The following MED23 variants were observed in gnomAD, a reference collection of about 807,000 sequenced individuals.
MED23 encodes the protein mediator of RNA polymerase II transcription subunit 23.
MED23 carries 105 observed loss-of-function variants against 163.9 expected under a neutral mutation model. The ratio of observed to expected loss-of-function variants is 0.64; its 90% CI spans 0.55 to 0.75. The LOEUF is 0.75. Among genes scored for constraint, MED23 ranks in the 30% least tolerant of loss-of-function variants. The pLI, the probability that MED23 is intolerant of heterozygous loss-of-function variation, is 0.00. For synonymous variants in MED23, 561 were observed against 565.6 expected (o/e 0.99, Z 0.12); for missense variants, 1,054 against 1,649.0 (o/e 0.64, Z 6.25).
intron 18 of MED23, among the ~76,000 whole-genome samples, chr6:131,599,212 T>A (rs1376555805): frequency 6.6e-6 from 1 of 152,178 alleles, no homozygotes; most frequent in African/African-American, 2.4e-5. Context: ...TATCCCAGAT[T>A]TACTGAATCA....
chr6:131,584,897 G>A (rs769251668), downstream of MED23, among the ~76,000 whole-genome samples: 4 of 150,654 alleles, frequency 2.7e-5, no homozygotes, highest in Non-Finnish European at 5.9e-5. Flanking sequence ...TACTCAGAAG[G>A]CTAAGGCGGG....
At chr6:131,615,215 C>T (rs1368661396) in intron 10 of MED23, 3 of 1,280,070 alleles carry the variant, frequency 2.3e-6, no homozygotes, top group African/African-American at 1.5e-5. Context: ...CAGCATGGTC[C>T]TGCCAATTTC....
chr6:131,624,760 C>G, intron 4 of MED23, 105 bp downstream of exon 4: 3 of 1,282,798 alleles, frequency 2.3e-6, no homozygotes, highest in Non-Finnish European at 3.3e-6. Flanking sequence ...ATAAACCTCA[C>G]CTTCTTCTTC....
chr6:131,589,360 T>C, intron 28 of MED23, 105 bp downstream of exon 28: 1 of 1,149,682 alleles, frequency 8.7e-7, no homozygotes, highest in Middle Eastern at 2.9e-4. Context: ...AAAGAAAAAA[T>C]TAGACAAAAT....
At chr6:131,602,433 A>G (rs764660087) in intron 16 of MED23, 52 bp from the exon 17 acceptor site, 4 of 1,525,540 alleles carry the variant, frequency 2.6e-6, no homozygotes, top group South Asian at 2.3e-5. Flanking sequence ...GAATTATGGA[A>G]TTAAATCTAA....
At chr6:131,620,566 G>T in intron 7 of MED23, 62 bp downstream of exon 7, 2 of 1,090,558 alleles carry the variant, frequency 1.8e-6, no homozygotes, top group Non-Finnish European at 1.4e-6. Context: ...CTCCCAAAGT[G>T]CTGTGAGCCA....
chr6:131,618,736 C>T (rs758535826), intron 8 of MED23, among the ~76,000 whole-genome samples: 21 of 152,174 alleles, frequency 1.4e-4, no homozygotes, highest in East Asian at 1.9e-4. Flanking sequence ...TTGAAAATAT[C>T]GCATTTTGTC....
intron 30 of MED23, among the ~76,000 whole-genome samples, chr6:131,576,482 A>G (rs908604424): frequency 2.0e-5 from 3 of 152,226 alleles, no homozygotes; most frequent in Admixed American, 2.0e-4. Context: ...TCTATTTGGC[A>G]TAAAAGTCAT....
intron 30 of MED23, chr6:131,574,410 G>T: frequency 8.3e-7 from 1 of 1,200,410 alleles, no homozygotes; most frequent in Non-Finnish European, 1.2e-6. Flanking sequence ...CCAAACACAG[G>T]GACATTTTGC....
At chr6:131,576,713 G>C in intron 30 of MED23, 1 of 1,614,032 alleles carries the variant, frequency 6.2e-7, no homozygotes, top group East Asian at 2.2e-5. Context: ...AGGCTGGTCT[G>C]CTTGAGAAAC....
At chr6:131,596,191 T>C (rs1363948490) in intron 21 of MED23, 28 bp from the exon 22 acceptor site, 18 of 1,592,538 alleles carry the variant, frequency 1.1e-5, no homozygotes, top group Non-Finnish European at 1.6e-5. Flanking sequence ...TGATAAATGG[T>C]TAGAGCATTT....
rs760607856 is a variant in MED23, at chr6:131,594,309, T to C, written c.3022A>G (p.Thr1008Ala). ...AGGTGCATTTCATAATAGTGCAGAG[T>C]GTTATACAGATAAGTCACTGGACGA... ...HDRPVTYLYN[T>A]LHYYEMHLRD... Residue 1008 changes from threonine to alanine, a missense_variant, in exon 23 of 29, where the codon ACT (threonine) becomes GCT (alanine). Physicochemically the swap from Thr to Ala is moderately conservative, Grantham distance 58 (BLOSUM62 0). Around this residue, in one of 11 missense-constraint regions of MED23, gnomAD observed 362 missense variants for 471.6 expected, o/e 0.77. Coordinates refer to ENST00000368068, the MANE Select transcript of MED23 (RefSeq NM_004830.4). 6.2e-7 allele frequency: 1 copy of C among 1,613,950 alleles called. No individual in the cohort carries two copies. The highest frequency in any genetic ancestry group is 1.3e-5 in the African/African-American group (1 of 75,012).
chr6:131,628,250 G>A (rs917327067), upstream of MED23: 19 of 611,546 alleles, frequency 3.1e-5, no homozygotes, highest in Non-Finnish European at 4.9e-5. Flanking sequence ...GACGGGAAGG[G>A]CCCGGTACGC....
At chr6:131,592,292 G>T in intron 25 of MED23, 96 bp downstream of exon 25, 1 of 1,046,190 alleles carries the variant, frequency 9.6e-7, no homozygotes, top group Non-Finnish European at 1.5e-6. Context: ...ATGACGTCCC[G>T]TACAAGGGCA....
chr6:131,596,197 C>T (rs1291725506), intron 21 of MED23, 34 bp from the exon 22 acceptor site: 1 of 1,578,850 alleles, frequency 6.3e-7, no homozygotes, highest in Admixed American at 1.7e-5. Flanking sequence ...ATGGTTAGAG[C>T]ATTTTTTAAA....
chr6:131,597,243 G>A (rs769573236), intron 20 of MED23, among the ~76,000 whole-genome samples: 7 of 151,916 alleles, frequency 4.6e-5, no homozygotes, highest in Non-Finnish European at 7.4e-5. Context: ...TTCGGAGGCC[G>A]AGGCGGGCAG....
intron 22 of MED23, 121 bp downstream of exon 22, chr6:131,595,826 A>T: frequency 1.3e-6 from 1 of 761,110 alleles, no homozygotes. Flanking sequence ...TTATCCTCAA[A>T]ACACTTCATT....
chr6:131,620,924 T>C (rs1242198112), intron 6 of MED23, among the ~76,000 whole-genome samples, 195 bp from the exon 7 acceptor site: 2 of 151,952 alleles, frequency 1.3e-5, no homozygotes, highest in African/African-American at 4.8e-5. Context: ...CACCTCAGCC[T>C]CCAGAGTAGC....
chr6:131,613,841 CAAT>C (rs3842087), intron 10 of MED23, among the ~76,000 whole-genome samples: 22,191 of 151,918 alleles, frequency 0.15, 2,055 homozygotes, highest in East Asian at 0.33. Flanking sequence ...GAAATACTCT[CAAT>C]TGTTTTGTCA....
Sources: gnomAD v4.1 joint callset for allele counts (sites outside exome capture counted in the v4.1 genomes callset) on GRCh38, gnomAD v4.1.1 for gene constraint, gnomAD v4.1.1 regional missense constraint, MANE v1.5 for transcripts, NCBI Gene and HGNC (gene_info 2026-07-23, HGNC 2026-07-21) for gene names.